Variants in SLC25A48 observed in about 807,000 individuals in gnomAD.
SLC25A48 encodes CTC-321K16.1.
SLC25A48 carries 29 observed loss-of-function variants against 32.2 expected under a neutral mutation model. The ratio of observed to expected loss-of-function variants is 0.90; its 90% CI spans 0.67 to 1.23. The LOEUF (loss-of-function observed/expected upper bound fraction) is 1.23. Ranked by LOEUF, SLC25A48 falls within the 50% of genes most tolerant of loss-of-function variation. SLC25A48 has a pLI of 0.00. For missense variants in SLC25A48, 399 were observed against 422.7 expected (o/e 0.94, Z 0.49); for synonymous variants, 164 against 172.3 (o/e 0.95, Z 0.38).
intron 1 of SLC25A48, among the ~76,000 whole-genome samples, chr5:135,605,080 A>G (rs1387051028): frequency 6.6e-6 from 1 of 152,214 alleles, no homozygotes; most frequent in Admixed American, 6.5e-5. Context: ...GAGCTGCAAA[A>G]CTATACACAT....
chr5:135,809,885 G>A (rs1757554635), intron 3 of SLC25A48, among the ~76,000 whole-genome samples: 1 of 152,148 alleles, frequency 6.6e-6, no homozygotes, highest in Non-Finnish European at 1.5e-5. Context: ...TGCCCAGGGT[G>A]GAGTTGCAGT....
intron 3 of SLC25A48, among the ~76,000 whole-genome samples, chr5:135,763,725 A>G (rs1013376068): frequency 1.3e-5 from 2 of 150,414 alleles, no homozygotes; most frequent in African/African-American, 4.9e-5. Flanking sequence ...GGTGGCTCCA[A>G]GCAGTGCTTA....
chr5:135,637,685 A>G (rs1752736275), intron 3 of SLC25A48, among the ~76,000 whole-genome samples: 1 of 152,188 alleles, frequency 6.6e-6, no homozygotes, highest in Non-Finnish European at 1.5e-5. Flanking sequence ...TCCCTTTCAC[A>G]AGTAGCAGAG....
chr5:135,775,873 C>G (rs1756543959), intron 3 of SLC25A48, among the ~76,000 whole-genome samples: 1 of 151,022 alleles, frequency 6.6e-6, no homozygotes, highest in Non-Finnish European at 1.5e-5. Flanking sequence ...TTTCTATTAA[C>G]CGGGGAGGGG....
intron 4 of SLC25A48, among the ~76,000 whole-genome samples, chr5:135,816,340 A>C (rs913983298): frequency 3.9e-5 from 6 of 152,208 alleles, no homozygotes; most frequent in Non-Finnish European, 7.3e-5. Context: ...TTTGCTACTA[A>C]AATAAAAACA....
intron 4 of SLC25A48, chr5:135,827,689 C>G (rs573674084): frequency 6.6e-6 from 1 of 152,332 alleles, no homozygotes; most frequent in South Asian, 2.1e-4. Context: ...TTCTCCACTG[C>G]TCACAACTTA....
At chr5:135,688,993 T>A (rs1175590551) in intron 3 of SLC25A48, among the ~76,000 whole-genome samples, 1 of 152,226 alleles carries the variant, frequency 6.6e-6, no homozygotes, top group Non-Finnish European at 1.5e-5. Flanking sequence ...GACAATATTA[T>A]TATTTCTGCC....
intron 4 of SLC25A48, among the ~76,000 whole-genome samples, chr5:135,858,568 A>G (rs1223382980): frequency 6.6e-6 from 1 of 152,184 alleles, no homozygotes; most frequent in Non-Finnish European, 1.5e-5. Flanking sequence ...GGGATTTACT[A>G]TGGGGAGACT....
In SLC25A48 at chr5:135,632,837, G is replaced by A. The variant is rs757159205; in HGVS notation, c.-708-1932G>A. Among the ~76,000 whole-genome samples the A allele has an allele frequency of 7.4e-4, 113 of 152,276 alleles. 1 individual carries two copies. The highest frequency in any genetic ancestry group is 3.4e-3 in the Middle Eastern group (1 of 294). On this transcript the variant is annotated intron_variant, in intron 2 of 10. Transcript: ENST00000646290. ...CATGCAGTCAATAGGATTGGAGGGC[G>A]AGGAGAGGCCAGTGTTGAGGTATTG... is the stretch of plus-strand genomic sequence containing the variant.
chr5:135,774,482 T>C (rs1168549753), intron 3 of SLC25A48, among the ~76,000 whole-genome samples: 1 of 151,578 alleles, frequency 6.6e-6, no homozygotes, highest in Non-Finnish European at 1.5e-5. Flanking sequence ...GAGAGGATAA[T>C]ATTACTCCCC....
chr5:135,787,370 A>C (rs954197624), intron 3 of SLC25A48, among the ~76,000 whole-genome samples: 7 of 152,008 alleles, frequency 4.6e-5, no homozygotes, highest in Non-Finnish European at 7.4e-5. Flanking sequence ...CCTGTACCAC[A>C]GTCGATTTAC....
chr5:135,702,358 A>G (rs965834894), intron 3 of SLC25A48, among the ~76,000 whole-genome samples: 27 of 152,220 alleles, frequency 1.8e-4, no homozygotes, highest in African/African-American at 6.5e-4. Flanking sequence ...ACAGAGACAC[A>G]GGGAGGATGC....
chr5:135,762,871 AGT>A (rs1320231866), intron 3 of SLC25A48, among the ~76,000 whole-genome samples: 2 of 151,944 alleles, frequency 1.3e-5, no homozygotes, highest in Non-Finnish European at 2.9e-5. Flanking sequence ...GCAGTGTGTG[AGT>A]GTGAGAAACA....
intron 3 of SLC25A48, among the ~76,000 whole-genome samples, chr5:135,777,309 C>T (rs1171203823): frequency 2.0e-5 from 3 of 151,760 alleles, no homozygotes; most frequent in Non-Finnish European, 4.4e-5. Flanking sequence ...AAAGGGTTTA[C>T]AGCCCCACCC....
chr5:135,776,324 T>C, intron 3 of SLC25A48, among the ~76,000 whole-genome samples: 1 of 150,034 alleles, frequency 6.7e-6, no homozygotes, highest in African/African-American at 2.4e-5. Flanking sequence ...GGTATACACC[T>C]CACCTGTGAT....
intron 3 of SLC25A48, among the ~76,000 whole-genome samples, chr5:135,715,398 C>G (rs1754771912): frequency 6.6e-6 from 1 of 152,200 alleles, no homozygotes; most frequent in South Asian, 2.1e-4. Context: ...GGTGGTACAG[C>G]TCTCCCCAGC....
chr5:135,859,988 AT>A (rs1225241332), intron 4 of SLC25A48, among the ~76,000 whole-genome samples: 1 of 152,074 alleles, frequency 6.6e-6, no homozygotes, highest in African/African-American at 2.4e-5. Context: ...CCTCTCCTCC[AT>A]ACCTTAGCAG....
chr5:135,761,125 AC>A (rs898526280), intron 3 of SLC25A48, among the ~76,000 whole-genome samples: 4 of 151,386 alleles, frequency 2.6e-5, no homozygotes, highest in African/African-American at 7.3e-5. Flanking sequence ...ACATGGTGAG[AC>A]CCCCCCATCT....
At chr5:135,835,144 T>A (rs1406407848) in intron 1 of SLC25A48, 1 of 689,116 alleles carries the variant, frequency 1.5e-6, no homozygotes. Context: ...CCGTGGGACT[T>A]GATGAGGTAA....
Sources: allele counts gnomAD v4.1 joint callset (sites outside exome capture counted in the v4.1 genomes callset), GRCh38; gene constraint gnomAD v4.1.1; transcripts MANE v1.5; gene names NCBI Gene and HGNC (gene_info 2026-07-23, HGNC 2026-07-21).